The following MAP4 variants were observed in gnomAD, a reference collection of about 807,000 sequenced individuals.
The protein encoded by MAP4 is microtubule associated protein 4.
A neutral mutation model predicts 170.2 loss-of-function variants in MAP4; 76 were observed. The observed-to-expected ratio is 0.45, with a 90% CI of 0.37 to 0.54. The LOEUF (loss-of-function observed/expected upper bound fraction) is 0.54. Among genes scored for constraint, MAP4 ranks in the 20% least tolerant of loss-of-function variants. The probability of loss-of-function intolerance (pLI) is 0.00; values close to 1 mark genes in which losing one functional copy is unlikely to be tolerated. For missense variants in MAP4, 2,506 were observed against 2,748.0 expected, an observed-to-expected ratio of 0.91 and a Z score of 1.97; for synonymous variants, 909 against 994.5, an observed-to-expected ratio of 0.91 and a Z score of 1.62.
intron 3 of MAP4, among the ~76,000 whole-genome samples, chr3:47,930,852 C>CT (rs2100049377): frequency 6.6e-6 from 1 of 151,222 alleles, no homozygotes; most frequent in Admixed American, 6.6e-5. Context: ...TGGCGTGAAC[C>CT]TGGTAGGCAG....
At chr3:47,962,628 T>G (rs1048051024) in intron 3 of MAP4, among the ~76,000 whole-genome samples, 1 of 152,124 alleles carries the variant, frequency 6.6e-6, no homozygotes, top group Non-Finnish European at 1.5e-5. Context: ...TAGACTCTGA[T>G]CCAAATATTG....
At chr3:48,002,929 A>G (rs2100100027) in intron 1 of MAP4, among the ~76,000 whole-genome samples, 3 of 150,066 alleles carry the variant, frequency 2.0e-5, no homozygotes, top group Admixed American at 1.3e-4. Flanking sequence ...AATAAATCAC[A>G]CTCTGGCTGT....
intron 3 of MAP4, among the ~76,000 whole-genome samples, chr3:47,955,577 T>A (rs1001067874): frequency 6.6e-6 from 1 of 152,008 alleles, no homozygotes; most frequent in Non-Finnish European, 1.5e-5. Flanking sequence ...AAGTAGTTGA[T>A]GCGAGATAAA....
chr3:47,985,173 G>C (rs1469109160), intron 2 of MAP4, among the ~76,000 whole-genome samples: 1 of 149,502 alleles, frequency 6.7e-6, no homozygotes, highest in African/African-American at 2.5e-5. Context: ...CCAGCTACTC[G>C]GGAGGCTGAG....
chr3:47,886,621 A>G (rs2097643841), intron 10 of MAP4, among the ~76,000 whole-genome samples: 1 of 152,122 alleles, frequency 6.6e-6, no homozygotes, highest in Admixed American at 6.5e-5. Context: ...ATTTCTAGAG[A>G]CCACCACCCA....
chr3:48,086,658 T>A (rs771161079), intron 1 of MAP4, among the ~76,000 whole-genome samples: 3 of 152,074 alleles, frequency 2.0e-5, no homozygotes, highest in Non-Finnish European at 2.9e-5. Flanking sequence ...ATAAATAAAA[T>A]TTAAATTTAA....
At chr3:48,074,676 T>TTTTGTGCGTGTGTG (rs746281743) in intron 1 of MAP4, among the ~76,000 whole-genome samples, 1 of 90,640 alleles carries the variant, frequency 1.1e-5, no homozygotes, top group Non-Finnish European at 2.1e-5. Flanking sequence ...ATCCAGCTAA[T>TTTTGTGCGTGTGTG]TGTGTGTGTG....
At position 47,911,868 on chromosome 3, in the gene MAP4, T is replaced by C; in HGVS notation, c.2553A>G (p.Ser851=). 3.3e-6 allele frequency: 5 copies of C among 1,536,156 alleles called. No individual in the cohort carries two copies. Among genetic ancestry groups the C allele is most frequent in the South Asian group, 2.4e-5 (2 of 84,064 alleles). The part of the protein sequence containing the change: ...AARLVAENFV[S]ESLRIPLYPS... ...GATATAAAGGAATTCTGAGACTCTC[T>C]GAGACAAAGTTCTCAGCTACCAGTC... is the stretch of plus-strand genomic sequence containing the variant. Residue 851 remains serine, a synonymous_variant, in exon 9 of 21, where the codon TCA becomes TCG. Transcript: ENST00000683076. This position sits in a 1 kb window ranked among gnomAD's most constrained non-coding sequence, Gnocchi z 4.0.
chr3:47,992,678 G>T (rs1401837611), intron 2 of MAP4, among the ~76,000 whole-genome samples: 5 of 152,018 alleles, frequency 3.3e-5, no homozygotes, highest in African/African-American at 1.2e-4. Context: ...TTTCAAGGGA[G>T]TTTTTTTGTA....
intron 3 of MAP4, among the ~76,000 whole-genome samples, chr3:47,943,303 C>A (rs755833231): frequency 6.6e-6 from 1 of 152,126 alleles, no homozygotes; most frequent in Non-Finnish European, 1.5e-5. Context: ...AGCCCACTAA[C>A]CTTTCTTGAT....
At chr3:47,974,557 G>A (rs1222461810) in intron 3 of MAP4, 1 of 973,042 alleles carries the variant, frequency 1.0e-6, no homozygotes, top group Non-Finnish European at 1.2e-6. Context: ...AAACTTTAAA[G>A]TATTTCAGAT....
At chr3:47,885,697 C>T (rs2152854540) in intron 10 of MAP4, among the ~76,000 whole-genome samples, 1 of 150,960 alleles carries the variant, frequency 6.6e-6, no homozygotes, top group Admixed American at 6.6e-5. Flanking sequence ...AAACCATAGC[C>T]AACAACTGTG....
chr3:48,008,959 T>C (rs1022845716), intron 1 of MAP4, among the ~76,000 whole-genome samples: 2 of 152,228 alleles, frequency 1.3e-5, no homozygotes, highest in Admixed American at 6.5e-5. Flanking sequence ...ATTGATTATA[T>C]TGGACCTCTT....
At position 47,935,663 on chromosome 3, in the gene MAP4, G is replaced by A. The variant is rs891876181; in HGVS notation, c.293-7313C>T. On this transcript the variant is annotated intron_variant, in intron 3 of 20. Coordinates refer to ENST00000683076, the MANE Select transcript of MAP4 (RefSeq NM_001385682.1). The stretch of plus-strand genomic sequence containing the variant: ...AATAATATACCTGAGCTGGCCAGGC[G>A]TGGTGGCTCACACCTGTAATCCCAG... Among the ~76,000 whole-genome samples, 17 of 151,764 alleles carry A rather than the reference G, an allele frequency of 1.1e-4. 1 individual carries two copies. The highest frequency in any genetic ancestry group is 6.6e-4 in the Admixed American group (10 of 15,226).
At chr3:48,087,729 GCACACACACGCACGCGCACACA>G (rs1454814930) in intron 1 of MAP4, among the ~76,000 whole-genome samples, 4 of 117,932 alleles carry the variant, frequency 3.4e-5, no homozygotes, top group African/African-American at 6.6e-5. Flanking sequence ...ACACGCACGC[GCACACACACGCACGCGCACACA>G]CACACACACA....
At chr3:47,931,398 G>C (rs778640438) in intron 3 of MAP4, among the ~76,000 whole-genome samples, 10 of 152,118 alleles carry the variant, frequency 6.6e-5, no homozygotes, top group Non-Finnish European at 1.2e-4. Context: ...CAAAAAGACT[G>C]ACAGGAGCAA....
intron 3 of MAP4, among the ~76,000 whole-genome samples, chr3:47,940,037 C>T (rs1429219356): frequency 1.3e-5 from 2 of 152,030 alleles, no homozygotes; most frequent in Non-Finnish European, 1.5e-5. Context: ...GAGGTTTCAC[C>T]ATGTTGGTCA....
At chr3:47,930,928 A>T (rs1291579083) in intron 3 of MAP4, among the ~76,000 whole-genome samples, 3 of 139,400 alleles carry the variant, frequency 2.2e-5, no homozygotes, top group African/African-American at 7.9e-5. Flanking sequence ...GACTCTGTCT[A>T]AAAAAAAAAA....
chr3:47,904,348 C>T lies in MAP4; in HGVS notation c.5384-1348G>A, dbSNP rs149263106. ...TATTATTTTTTGAGATGGAGTCTCA[C>T]TCTGTCTCCCAGGCTGGAGTGCAGT... On this transcript the variant is annotated intron_variant, in intron 9 of 20. Transcript: ENST00000683076. Among the ~76,000 whole-genome samples the T allele has an allele frequency of 4.0e-3, 615 of 152,232 alleles. 6 individuals carry two copies. Among genetic ancestry groups the T allele is most frequent in the African/African-American group, 0.014 (596 of 41,530 alleles).
Sources: allele counts gnomAD v4.1 joint callset (sites outside exome capture counted in the v4.1 genomes callset), GRCh38; gene constraint gnomAD v4.1.1; non-coding constraint Gnocchi (gnomAD v3.1); transcripts MANE v1.5; gene names NCBI Gene and HGNC (gene_info 2026-07-23, HGNC 2026-07-21).